The following ASIC2 variants were observed in gnomAD, a reference collection of about 807,000 sequenced individuals.
ASIC2 encodes acid sensing ion channel subunit 2, also known as acid-sensing ion channel 2.
ASIC2 carries 25 observed loss-of-function variants against 57.3 expected under a neutral mutation model. The observed-to-expected ratio is 0.44, with a 90% CI of 0.32 to 0.61. ASIC2 has a LOEUF of 0.61. ASIC2 is among the 20% of genes least tolerant of loss of function. The pLI, the probability that ASIC2 is intolerant of heterozygous loss-of-function variation, is 0.06. For missense variants in ASIC2, 641 were observed against 738.1 expected (o/e 0.87, Z 1.52); for synonymous variants, 319 against 307.5 (o/e 1.04, Z -0.39).
intron 1 of ASIC2, among the ~76,000 whole-genome samples, chr17:33,541,659 AT>A (rs1455370080): frequency 6.6e-6 from 1 of 152,050 alleles, no homozygotes; most frequent in Non-Finnish European, 1.5e-5. Context: ...GACTTTGGAG[AT>A]TTCTGGCTCC....
intron 1 of ASIC2, among the ~76,000 whole-genome samples, chr17:33,226,353 T>C (rs1029306416): frequency 2.6e-5 from 4 of 152,194 alleles, no homozygotes; most frequent in African/African-American, 9.7e-5. Flanking sequence ...AAGAAAGTCT[T>C]AGAAAGTGAT....
chr17:33,037,273 G>T (rs1233095027), intron 3 of ASIC2, among the ~76,000 whole-genome samples: 1 of 152,056 alleles, frequency 6.6e-6, no homozygotes, highest in Non-Finnish European at 1.5e-5. Flanking sequence ...GTTAACTTTG[G>T]GGGAAACTCG....
chr17:33,941,000 GAACT>G (rs1335057515), intron 1 of ASIC2, among the ~76,000 whole-genome samples: 1 of 152,262 alleles, frequency 6.6e-6, no homozygotes, highest in Non-Finnish European at 1.5e-5. Flanking sequence ...GTGCGGTGAA[GAACT>G]ATCTAAGTGC....
At chr17:33,071,491 T>C (rs1436086639) in intron 3 of ASIC2, among the ~76,000 whole-genome samples, 2 of 152,184 alleles carry the variant, frequency 1.3e-5, no homozygotes, top group Non-Finnish European at 2.9e-5. Flanking sequence ...GCTATAAATG[T>C]TTTAATGTCC....
intron 1 of ASIC2, among the ~76,000 whole-genome samples, chr17:33,546,275 G>A (rs1915576024): frequency 6.6e-6 from 1 of 151,876 alleles, no homozygotes; most frequent in South Asian, 2.1e-4. Context: ...TAGTTGCTAT[G>A]TCCTCTATGG....
In ASIC2 at chr17:33,418,024, ATGTATGTGTGTGTGTGTGTGTGTGTG is replaced by A. The variant is rs1184217701; in HGVS notation, c.556-305983_556-305958del. Among the ~76,000 whole-genome samples, 523 of 110,364 alleles carry A rather than the reference ATGTATGTGTGTGTGTGTGTGTGTGTG, an allele frequency of 4.7e-3. 8 individuals carry two copies. The highest frequency in any genetic ancestry group is 0.015 in the African/African-American group (490 of 32,782). The allele number at this position is 110,364 out of a possible 152,430, so 72.4% of individuals were successfully genotyped here. A position where few individuals can be genotyped will look rare whatever the true frequency, so the allele number is the denominator to read the frequency against. The stretch of plus-strand genomic sequence containing the variant: ...GGCCCCACTCTGGCTCTCAGCATGT[ATGTATGTGTGTGTGTGTGTGTGTGTG>A]TGTGTGTGTGTGTGTGTGTGTGTGT... On this transcript the variant is annotated intron_variant, in intron 1 of 9. Coordinates refer to the ASIC2 transcript ENST00000359872.
intron 7 of ASIC2, 46 bp from the exon 8 acceptor site, chr17:33,017,730 C>T: frequency 6.4e-7 from 1 of 1,561,460 alleles, no homozygotes; most frequent in Non-Finnish European, 8.8e-7. Context: ...TATGCAGCTT[C>T]CAGGAAGGGT....
chr17:33,978,914 C>A (rs1050235582), intron 1 of ASIC2, among the ~76,000 whole-genome samples: 3 of 152,110 alleles, frequency 2.0e-5, no homozygotes, highest in Non-Finnish European at 2.9e-5. Context: ...GGGGGGCTTA[C>A]AGGAGAAACA....
chr17:33,475,935 C>G (rs141175344), intron 1 of ASIC2, among the ~76,000 whole-genome samples: 1 of 152,254 alleles, frequency 6.6e-6, no homozygotes, highest in Non-Finnish European at 1.5e-5. Context: ...CGTCTAGCAT[C>G]ATTATAATTA....
chr17:33,189,613 A>G (rs1252366287), intron 1 of ASIC2, among the ~76,000 whole-genome samples: 1 of 152,174 alleles, frequency 6.6e-6, no homozygotes, highest in African/African-American at 2.4e-5. Context: ...AAGGATGCTA[A>G]CACTTAAAAA....
intron 2 of ASIC2, among the ~76,000 whole-genome samples, chr17:33,107,239 A>G (rs1275373506): frequency 2.0e-5 from 3 of 152,218 alleles, no homozygotes; most frequent in Non-Finnish European, 4.4e-5. Context: ...ACAGTCTAGG[A>G]CAGCTTTTTC....
chr17:33,106,271 G>C (rs771402674), intron 2 of ASIC2, among the ~76,000 whole-genome samples: 7 of 152,124 alleles, frequency 4.6e-5, no homozygotes, highest in Non-Finnish European at 1.0e-4. Flanking sequence ...TCTTTACCCC[G>C]AGAACAGCAT....
intron 1 of ASIC2, chr17:34,038,385 T>G: frequency 6.2e-7 from 1 of 1,611,880 alleles, no homozygotes; most frequent in Non-Finnish European, 8.5e-7. Flanking sequence ...TCCAGCTCTT[T>G]ATGAATCCGG....
intron 1 of ASIC2, among the ~76,000 whole-genome samples, chr17:33,131,411 A>C (rs1480940178): frequency 6.6e-6 from 1 of 152,126 alleles, no homozygotes; most frequent in African/African-American, 2.4e-5. Context: ...CTGTGTGTTC[A>C]TATTGCTAGG....
intron 1 of ASIC2, among the ~76,000 whole-genome samples, chr17:33,948,508 T>C (rs1904456388): frequency 6.6e-6 from 1 of 152,156 alleles, no homozygotes; most frequent in Non-Finnish European, 1.5e-5. Context: ...GGATGCCCAC[T>C]CCCGCCAGGA....
intron 1 of ASIC2, among the ~76,000 whole-genome samples, chr17:33,528,655 A>G (rs1020244491): frequency 6.6e-6 from 1 of 152,198 alleles, no homozygotes; most frequent in African/African-American, 2.4e-5. Context: ...AAAAGGGAAG[A>G]AAAAAGCAAA....
intron 1 of ASIC2, among the ~76,000 whole-genome samples, chr17:33,921,946 T>C (rs953796754): frequency 2.6e-5 from 4 of 151,826 alleles, no homozygotes; most frequent in African/African-American, 9.7e-5. Flanking sequence ...ATGCTGAAAA[T>C]GATTAACAAT....
intron 1 of ASIC2, among the ~76,000 whole-genome samples, chr17:33,887,114 G>C (rs1914848361): frequency 6.6e-6 from 1 of 152,124 alleles, no homozygotes; most frequent in Non-Finnish European, 1.5e-5. Context: ...ACCCATGTGG[G>C]AGAAGCATTA....
intron 2 of ASIC2, among the ~76,000 whole-genome samples, chr17:33,110,384 C>T (rs570078971): frequency 4.6e-5 from 7 of 152,118 alleles, no homozygotes; most frequent in African/African-American, 7.2e-5. Context: ...GAGATCAGAA[C>T]GGACACAAAC....
Sources: gnomAD v4.1 joint callset for allele counts (sites outside exome capture counted in the v4.1 genomes callset) on GRCh38, gnomAD v4.1.1 for gene constraint, MANE v1.5 for transcripts, NCBI Gene and HGNC (gene_info 2026-07-23, HGNC 2026-07-21) for gene names.